Variants in SCNN1B observed in about 807,000 individuals in gnomAD.
SCNN1B encodes epithelial sodium channel subunit beta.
A neutral mutation model predicts 65.3 loss-of-function variants in SCNN1B; 46 were observed. That is an observed-to-expected ratio of 0.70 (90% CI 0.56 to 0.90). SCNN1B has a LOEUF of 0.90. Among genes scored for constraint, SCNN1B ranks in the 40% least tolerant of loss-of-function variants. The pLI, the probability that SCNN1B is intolerant of heterozygous loss-of-function variation, is 0.00. For synonymous variants in SCNN1B, 349 were observed against 330.6 expected (o/e 1.06, Z -0.60); for missense variants, 751 against 830.5 (o/e 0.90, Z 1.18).
chr16:23,344,268 C>G (rs1352259062), intron 1 of SCNN1B, among the ~76,000 whole-genome samples: 4 of 152,154 alleles, frequency 2.6e-5, no homozygotes, highest in African/African-American at 4.8e-5. Context: ...AGCCTGAGGC[C>G]TCATTGTTAA....
intron 7 of SCNN1B, among the ~76,000 whole-genome samples, chr16:23,374,573 C>CAAAAAAAA (rs1168924579): frequency 2.1e-5 from 1 of 48,324 alleles, no homozygotes; most frequent in Non-Finnish European, 4.2e-5. Flanking sequence ...GACTCCATCT[C>CAAAAAAAA]AAAAAAAAAA....
chr16:23,337,970 ACT>A (rs1441099171), intron 1 of SCNN1B, among the ~76,000 whole-genome samples: 1 of 152,120 alleles, frequency 6.6e-6, no homozygotes, highest in Non-Finnish European at 1.5e-5. Flanking sequence ...TACTTAGGAC[ACT>A]GAGGTGGGAG....
chr16:23,318,253 G>A (rs1442079296), intron 1 of SCNN1B, among the ~76,000 whole-genome samples: 1 of 152,196 alleles, frequency 6.6e-6, no homozygotes, highest in Non-Finnish European at 1.5e-5. Flanking sequence ...CTCTCACTGT[G>A]TGATTTGGGC....
intron 4 of SCNN1B, among the ~76,000 whole-genome samples, chr16:23,365,979 C>G (rs1230452944): frequency 6.6e-6 from 1 of 152,166 alleles, no homozygotes; most frequent in Admixed American, 6.5e-5. Flanking sequence ...TCTGAAAACA[C>G]GGGAAAATAA....
At position 23,380,795 on chromosome 16, in the gene SCNN1B, C is replaced by A; in HGVS notation, c.1917C>A (p.Ala639=). ...TCGAGTCTGACAGTGAGGGTGATGC[C>A]ATCTAACCCTGCCCCTGCCCACCCC... The part of the protein sequence containing the change: ...DVIESDSEGD[A]I Residue 639 remains alanine (A), a synonymous_variant, in exon 13 of 13, where the codon GCC becomes GCA. Coordinates refer to ENST00000343070, the MANE Select transcript of SCNN1B (RefSeq NM_000336.3). The surrounding 1 kb of genome is among the most constrained non-coding windows in gnomAD (Gnocchi z 5.4). 6.2e-7 allele frequency: 1 copy of A among 1,612,198 alleles called. No individual in the cohort carries two copies. The highest frequency in any genetic ancestry group is 8.5e-7 in the Non-Finnish European group (1 of 1,179,990).
chr16:23,304,036 C>T (rs1961141270), intron 1 of SCNN1B: 3 of 1,530,882 alleles, frequency 2.0e-6, no homozygotes, highest in Non-Finnish European at 2.6e-6. Flanking sequence ...TTTATTTAAA[C>T]TGCTGCATGG....
chr16:23,289,176 T>C (rs1960889855), intron 2 of SCNN1B, among the ~76,000 whole-genome samples: 1 of 152,216 alleles, frequency 6.6e-6, no homozygotes, highest in South Asian at 2.1e-4. Flanking sequence ...CCTAGCACCC[T>C]TCGAAGATGA....
intron 2 of SCNN1B, among the ~76,000 whole-genome samples, chr16:23,290,388 G>A (rs939296199): frequency 6.6e-6 from 1 of 152,110 alleles, no homozygotes; most frequent in African/African-American, 2.4e-5. Flanking sequence ...GCTCACTGCA[G>A]CCTCAACCTC....
intron 1 of SCNN1B, among the ~76,000 whole-genome samples, chr16:23,283,340 G>C (rs1960808024): frequency 6.6e-6 from 1 of 152,204 alleles, no homozygotes; most frequent in Non-Finnish European, 1.5e-5. Flanking sequence ...GAACTCGAGA[G>C]GCAGATGTTG....
chr16:23,340,416 T>C (rs1962031779), intron 1 of SCNN1B, among the ~76,000 whole-genome samples: 1 of 152,234 alleles, frequency 6.6e-6, no homozygotes, highest in South Asian at 2.1e-4. Context: ...GTTTTATAGT[T>C]TTATTAGGTC....
chr16:23,380,483 G>T lies in SCNN1B; in HGVS notation c.1605G>T (p.Leu535=), dbSNP rs759843626. ...QFGFWMGGSV[L]CLIEFGEIII... ...GCTTCTGGATGGGGGGCTCTGTGCT[G>T]TGCCTCATCGAGTTTGGGGAGATCA... is the stretch of plus-strand genomic sequence containing the variant. The change falls in exon 13 of 13, where the codon CTG becomes CTT. Residue 535 remains leucine, a synonymous_variant. Transcript: ENST00000343070. The surrounding 1 kb of genome is among the most constrained non-coding windows in gnomAD (Gnocchi z 5.4). The T allele has an allele frequency of 6.2e-7, 1 of 1,614,240 alleles. No individual in the cohort carries two copies. Among genetic ancestry groups the T allele is most frequent in the South Asian group, 1.1e-5 (1 of 91,088 alleles).
rs1201982762 is a variant in SCNN1B, at chr16:23,332,207, C to CT, written c.-8-16379dup. On this transcript the variant is annotated intron_variant, in intron 1 of 12. Transcript: ENST00000343070. ...TCATGCCCAGCTCTTTTTTTTTTTT[C>CT]TTTTTTGAGATGGAGTCTCGCTCTG... Among the ~76,000 whole-genome samples, 3 of 142,050 alleles carry CT rather than the reference C, an allele frequency of 2.1e-5. No homozygotes were observed. The East Asian group carries it at 6.1e-4, about 29-fold the overall frequency. 93.2% of individuals were successfully genotyped at this position (142,050 alleles called of 152,430 possible). A position where few individuals can be genotyped will look rare whatever the true frequency, so the allele number is the denominator to read the frequency against.
intron 1 of SCNN1B, among the ~76,000 whole-genome samples, chr16:23,314,515 C>A (rs1315465040): frequency 6.6e-6 from 1 of 152,108 alleles, no homozygotes; most frequent in Non-Finnish European, 1.5e-5. Flanking sequence ...AATGGTGTGT[C>A]TGGGATTCAA....
At chr16:23,301,140 G>A (rs1363578175), upstream of SCNN1B, among the ~76,000 whole-genome samples, 2 of 151,986 alleles carry the variant, frequency 1.3e-5, no homozygotes, top group East Asian at 3.9e-4. Context: ...GAGGCGGGTG[G>A]ATCACTTGAG....
intron 2 of SCNN1B, among the ~76,000 whole-genome samples, chr16:23,290,988 C>T (rs1017145073): frequency 6.6e-6 from 1 of 151,974 alleles, no homozygotes; most frequent in South Asian, 2.1e-4. Context: ...TTTTTAATTA[C>T]CTAAGTGATA....
At chr16:23,285,646 A>G (rs984826032) in intron 2 of SCNN1B, among the ~76,000 whole-genome samples, 1 of 140,934 alleles carries the variant, frequency 7.1e-6, no homozygotes, top group East Asian at 2.1e-4. Context: ...TAGCAAGAGT[A>G]AAAAAACAAT....
At chr16:23,321,114 C>T (rs936481052) in intron 1 of SCNN1B, among the ~76,000 whole-genome samples, 3 of 152,034 alleles carry the variant, frequency 2.0e-5, no homozygotes, top group African/African-American at 4.8e-5. Flanking sequence ...GTATGATAGC[C>T]GACTGCAACC....
chr16:23,315,796 C>A (rs2066745221), intron 1 of SCNN1B, among the ~76,000 whole-genome samples: 1 of 152,122 alleles, frequency 6.6e-6, no homozygotes, highest in Non-Finnish European at 1.5e-5. Flanking sequence ...AGAGTGAGAC[C>A]CTGTCTCTTA....
intron 1 of SCNN1B, among the ~76,000 whole-genome samples, chr16:23,344,349 T>C (rs187743866): frequency 1.4e-4 from 22 of 152,344 alleles, no homozygotes; most frequent in Non-Finnish European, 2.9e-5. Flanking sequence ...TCTCCTTGAC[T>C]AAATCAGAAT....
Sources: allele counts gnomAD v4.1 joint callset (sites outside exome capture counted in the v4.1 genomes callset), GRCh38; gene constraint gnomAD v4.1.1; non-coding constraint Gnocchi (gnomAD v3.1); transcripts MANE v1.5; gene names NCBI Gene and HGNC (gene_info 2026-07-23, HGNC 2026-07-21).